Variants in NR4A3 observed in about 807,000 individuals in gnomAD.
NR4A3 encodes the protein chondrosarcoma, extraskeletal myxoid, fused to EWS.
A neutral mutation model predicts 55.6 loss-of-function variants in NR4A3; 13 were observed. That is an observed-to-expected ratio of 0.23 (90% CI 0.15 to 0.37). The LOEUF is 0.37. Among genes scored for constraint, NR4A3 ranks in the 10% least tolerant of loss-of-function variants. The pLI, the probability that NR4A3 is intolerant of heterozygous loss-of-function variation, is 1.00. For missense variants in NR4A3, 646 were observed against 822.8 expected (o/e 0.79, Z 2.63); for synonymous variants, 342 against 357.9 (o/e 0.96, Z 0.50).
chr9:99,832,633 G>T, intron 3 of NR4A3, 56 bp from the exon 4 acceptor site: 1 of 1,418,396 alleles, frequency 7.1e-7, no homozygotes, highest in Non-Finnish European at 9.5e-7. Context: ...CATCTTGTCA[G>T]GTCCTACCTC....
In NR4A3 at chr9:99,864,492, G is replaced by A. The variant is rs549072436; in HGVS notation, c.*625G>A. 2.2e-5 allele frequency: 5 copies of A among 227,612 alleles called. No homozygotes were observed. The Admixed American group carries it at 2.3e-4, about 10-fold the overall frequency. 14.1% of individuals were successfully genotyped at this position (227,612 alleles called of 1,614,324 possible). On this transcript the variant is annotated 3_prime_UTR_variant, in exon 8 of 8. Coordinates refer to ENST00000395097, the MANE Select transcript of NR4A3 (RefSeq NM_006981.4). ...AACAAGTGCAATTTTTTAAAGTGCT[G>A]TCTTACTAAGTCTTGTTTATTAACT...
chr9:99,826,699 G>A (rs1827300737), intron 2 of NR4A3: 4 of 1,373,840 alleles, frequency 2.9e-6, no homozygotes, highest in Non-Finnish European at 4.2e-6. Context: ...GGCTTGAACT[G>A]GCCTCTCCTC....
At chr9:99,839,486 A>C (rs191944113) in intron 5 of NR4A3, among the ~76,000 whole-genome samples, 189 of 152,350 alleles carry the variant, frequency 1.2e-3, no homozygotes, top group Non-Finnish European at 2.1e-3. Context: ...GGTCTCACTT[A>C]ATTTCCACAC....
In NR4A3 at chr9:99,845,646, A is replaced by G. The variant is rs113897597; in HGVS notation, c.1454+798A>G. Among the ~76,000 whole-genome samples, 46 of 152,206 alleles carry G rather than the reference A, an allele frequency of 3.0e-4. 2 individuals carry two copies. The highest frequency in any genetic ancestry group is 1.1e-3 in the African/African-American group (44 of 41,526). On this transcript the variant is annotated intron_variant, in intron 6 of 7. Transcript: ENST00000395097. Reference sequence around the variant, plus strand: ...TCTCTTTCCTGCCATCACCTCCCCAATTTCATATCACTACCAGAAACTCCT... The same window carrying G: ...TCTCTTTCCTGCCATCACCTCCCCAGTTTCATATCACTACCAGAAACTCCT...
At chr9:99,847,051 A>G (rs1405596610) in intron 6 of NR4A3, among the ~76,000 whole-genome samples, 2 of 152,214 alleles carry the variant, frequency 1.3e-5, no homozygotes, top group African/African-American at 4.8e-5. Flanking sequence ...GCCCTGTCTC[A>G]GGATCCCTGG....
chr9:99,840,313 C>G (rs1018871289), intron 5 of NR4A3, among the ~76,000 whole-genome samples: 2 of 152,200 alleles, frequency 1.3e-5, no homozygotes, highest in African/African-American at 4.8e-5. Context: ...GTGAGCCCAG[C>G]AGGGGCAGAA....
intron 2 of NR4A3, among the ~76,000 whole-genome samples, chr9:99,827,274 G>GTGTGTGTA (rs1224282037): frequency 1.5e-5 from 2 of 132,870 alleles, no homozygotes; most frequent in Non-Finnish European, 3.2e-5. Flanking sequence ...GTGTGTGTGT[G>GTGTGTGTA]TGTGTGTGTG....
chr9:99,828,227 T>C lies in NR4A3; in HGVS notation c.185T>C (p.Val62Ala), dbSNP rs1326294446. ...TTSLPSISTFVEGYSSNYELK... is the reference protein window; with the variant it reads ...TTSLPSISTFAEGYSSNYELK... ...TCCCTGCCCAGCATCAGTACCTTCG[T>C]GGAGGGCTACTCGAGCAACTACGAA... Residue 62 changes from valine to alanine, a missense_variant, in exon 3 of 8, where the codon GTG becomes GCG. This residue lies in a region of NR4A3 where 426 missense variants were observed against 429.4 expected (regional missense o/e 0.99). Coordinates refer to ENST00000395097, the MANE Select transcript of NR4A3 (RefSeq NM_006981.4). The surrounding 1 kb of genome is among the most constrained non-coding windows in gnomAD (Gnocchi z 7.7). 1.9e-6 allele frequency: 3 copies of C among 1,614,008 alleles called. No individual in the cohort carries two copies. Among genetic ancestry groups the C allele is most frequent in the Non-Finnish European group, 8.5e-7 (1 of 1,179,964 alleles).
intron 3 of NR4A3, among the ~76,000 whole-genome samples, chr9:99,831,143 A>C (rs1247153134): frequency 6.6e-6 from 1 of 152,234 alleles, no homozygotes; most frequent in East Asian, 1.9e-4. Context: ...CTGTCCTTAA[A>C]CACAAATGTA....
In NR4A3 at chr9:99,822,618, G is replaced by A. The variant is rs943276788; in HGVS notation, c.-177+211G>A. ...CCCGCGGGGATCTCTGGAGCTCGTG[G>A]GATTCCTCCCCCCACTCGAAGAGGC... On this transcript the variant is annotated intron_variant, in intron 1 of 7. Transcript: ENST00000395097. The surrounding 1 kb of genome is among the most constrained non-coding windows in gnomAD (Gnocchi z 4.9). Among the ~76,000 whole-genome samples the A allele has an allele frequency of 1.3e-5, 2 of 152,136 alleles. No homozygotes were observed. Among genetic ancestry groups the A allele is most frequent in the Non-Finnish European group, 2.9e-5 (2 of 68,030 alleles).
At chr9:99,840,835 T>G (rs1259848796) in intron 5 of NR4A3, among the ~76,000 whole-genome samples, 2 of 152,192 alleles carry the variant, frequency 1.3e-5, no homozygotes, top group Non-Finnish European at 2.9e-5. Context: ...TGAATTTCAT[T>G]CTGCTCTTGG....
rs1564027807 is a variant in NR4A3, at chr9:99,822,380, C to G, written c.-204C>G. 1 of 152,358 alleles carries G rather than the reference C, an allele frequency of 6.6e-6. No homozygotes were observed. Among genetic ancestry groups the G allele is most frequent in the African/African-American group, 2.4e-5 (1 of 41,462 alleles). The allele number at this position is 152,358 out of a possible 1,614,324, so 9.4% of individuals were successfully genotyped here. A position where few individuals can be genotyped will look rare whatever the true frequency, so the allele number is the denominator to read the frequency against. ...CGGGACAGCTCTCTAGAAACTCGCT[C>G]TAAAGACGGAACCGCCACAGCACTC... On this transcript the variant is annotated 5_prime_UTR_variant, in exon 1 of 8. Transcript: ENST00000395097. The surrounding 1 kb of genome is among the most constrained non-coding windows in gnomAD (Gnocchi z 4.9).
At chr9:99,827,933 A>G in intron 2 of NR4A3, 108 bp from the exon 3 acceptor site, 2 of 1,285,668 alleles carry the variant, frequency 1.6e-6, no homozygotes, top group Non-Finnish European at 2.2e-6. Flanking sequence ...AGAGGATGAC[A>G]CTTCCTCTCT....
At chr9:99,843,659 C>T (rs775131905) in intron 5 of NR4A3, among the ~76,000 whole-genome samples, 4 of 142,798 alleles carry the variant, frequency 2.8e-5, no homozygotes, top group Non-Finnish European at 4.7e-5. Flanking sequence ...CCCCAACCCA[C>T]GCCCCCATTT....
At chr9:99,857,961 T>A (rs1016096606) in intron 7 of NR4A3, among the ~76,000 whole-genome samples, 1 of 152,162 alleles carries the variant, frequency 6.6e-6, no homozygotes, top group Non-Finnish European at 1.5e-5. Flanking sequence ...TAATCATTTC[T>A]CACAGATTCT....
chr9:99,849,591 TCAG>T (rs1054025739), intron 7 of NR4A3, among the ~76,000 whole-genome samples: 1 of 152,176 alleles, frequency 6.6e-6, no homozygotes, highest in African/African-American at 2.4e-5. Flanking sequence ...TCAAAACCAT[TCAG>T]CAATTCCTAC....
chr9:99,828,814 C>G lies in NR4A3; in HGVS notation c.772C>G (p.Pro258Ala). Reference sequence around the variant, plus strand: ...GAGGGCGGCCCCGCTGGCCTTCCCGCCTCTCGGCCTCACGCCCTCCCCTAC... The same window carrying G: ...GAGGGCGGCCCCGCTGGCCTTCCCGGCTCTCGGCCTCACGCCCTCCCCTAC... ...AKRAAPLAFP[P>A]LGLTPSPTAS... Residue 258 changes from proline (P) to alanine (A), a missense_variant, in exon 3 of 8, where the codon CCT becomes GCT. By Grantham distance (27) the Pro-to-Ala change is conservative. This residue lies in a region of NR4A3 where 426 missense variants were observed against 429.4 expected (regional missense o/e 0.99). Coordinates refer to ENST00000395097, the MANE Select transcript of NR4A3 (RefSeq NM_006981.4). The surrounding 1 kb of genome is among the most constrained non-coding windows in gnomAD (Gnocchi z 7.7). The G allele has an allele frequency of 6.8e-7, 1 of 1,474,002 alleles. No homozygotes were observed. Among genetic ancestry groups the G allele is most frequent in the Non-Finnish European group, 9.0e-7 (1 of 1,116,768 alleles). The allele number at this position is 1,474,002 out of a possible 1,614,324, so 91.3% of individuals were successfully genotyped here.
At chr9:99,833,965 A>T in intron 5 of NR4A3, 1 of 1,148,448 alleles carries the variant, frequency 8.7e-7, no homozygotes, top group South Asian at 2.6e-5. Context: ...CTGGGATGGA[A>T]CGCCACCTCT....
intron 3 of NR4A3, among the ~76,000 whole-genome samples, chr9:99,829,410 G>A (rs1219445893): frequency 6.6e-6 from 1 of 152,236 alleles, no homozygotes; most frequent in African/African-American, 2.4e-5. Context: ...AAGAGCTGGG[G>A]CTCTAGAGTC....
Sources: gnomAD v4.1 joint callset for allele counts (sites outside exome capture counted in the v4.1 genomes callset) on GRCh38, gnomAD v4.1.1 for gene constraint, gnomAD v4.1.1 regional missense constraint, Gnocchi (gnomAD v3.1) non-coding constraint, MANE v1.5 for transcripts, NCBI Gene and HGNC (gene_info 2026-07-23, HGNC 2026-07-21) for gene names.